Variants in NSF observed in about 807,000 individuals in gnomAD.
NSF encodes the protein vesicle-fusing ATPase.
A neutral mutation model predicts 50.3 loss-of-function variants in NSF; 14 were observed. The ratio of observed to expected loss-of-function variants is 0.28; its 90% CI spans 0.18 to 0.44. The LOEUF (loss-of-function observed/expected upper bound fraction) is 0.44. Ranked by LOEUF, NSF falls within the 20% of genes least tolerant of loss-of-function variation. The pLI is 1.00. For missense variants in NSF, 218 were observed against 504.3 expected, an observed-to-expected ratio of 0.43 and a Z score of 5.44; for synonymous variants, 109 against 175.7, an observed-to-expected ratio of 0.62 and a Z score of 3.00.
At chr17:46,718,533 A>T (rs930868689) in intron 15 of NSF, among the ~76,000 whole-genome samples, 19 of 152,354 alleles carry the variant, frequency 1.2e-4, no homozygotes, top group African/African-American at 4.1e-4. Flanking sequence ...CTAAAAATTT[A>T]AAATTTATAT....
chr17:46,709,564 G>T (rs183950723), intron 13 of NSF, among the ~76,000 whole-genome samples: 1 of 151,352 alleles, frequency 6.6e-6, no homozygotes. Context: ...GCGTGATCTC[G>T]GCTCACTGCA....
chr17:46,667,052 G>GT (rs1312114958), intron 8 of NSF, among the ~76,000 whole-genome samples: 1 of 122,898 alleles, frequency 8.1e-6, no homozygotes, highest in African/African-American at 2.9e-5. Flanking sequence ...TTATTTGGAA[G>GT]TTTTTTGGTA....
At chr17:46,687,521 C>T (rs1329313667) in intron 9 of NSF, among the ~76,000 whole-genome samples, 4 of 144,432 alleles carry the variant, frequency 2.8e-5, no homozygotes, top group African/African-American at 1.0e-4. Flanking sequence ...TCAAATCTAG[C>T]ATTTGCTGTT....
intron 17 of NSF, among the ~76,000 whole-genome samples, chr17:46,743,397 T>A (rs2059096624): frequency 6.6e-6 from 1 of 152,214 alleles, no homozygotes; most frequent in Admixed American, 6.5e-5. Flanking sequence ...CTGACTGTGA[T>A]GACAGAGACC....
chr17:46,599,079 C>T (rs1598633686), intron 1 of NSF, among the ~76,000 whole-genome samples: 1 of 53,112 alleles, frequency 1.9e-5, no homozygotes, highest in Admixed American at 2.4e-4. Flanking sequence ...CTCTTTTTTT[C>T]AAGTAGTTAA....
At chr17:46,735,751 C>A (rs2058996882) in intron 17 of NSF, among the ~76,000 whole-genome samples, 1 of 152,124 alleles carries the variant, frequency 6.6e-6, no homozygotes, top group Non-Finnish European at 1.5e-5. Flanking sequence ...TCAAAACCAG[C>A]ATGGCCAACA....
chr17:46,754,322 A>G (rs912569218), intron 19 of NSF, among the ~76,000 whole-genome samples: 1 of 151,954 alleles, frequency 6.6e-6, no homozygotes, highest in Non-Finnish European at 1.5e-5. Context: ...CTGGGATAGA[A>G]GAAATCTTAA....
At position 46,720,943 on chromosome 17, in the gene NSF, T is replaced by C. The variant is rs2058823797; in HGVS notation, c.1762-5606T>C. Among the ~76,000 whole-genome samples, 3 of 152,292 alleles carry C rather than the reference T, an allele frequency of 2.0e-5. No individual in the cohort carries two copies. In the South Asian group the frequency reaches 6.2e-4, roughly 32 times the overall value. ...GGAACTAATGCTGGTGTGCTCCCATTTGCACTTGTGTAGACTCTGGAGCCC... is the reference window on the plus strand; with the variant it reads ...GGAACTAATGCTGGTGTGCTCCCATCTGCACTTGTGTAGACTCTGGAGCCC... On this transcript the variant is annotated intron_variant, in intron 15 of 20. Coordinates refer to ENST00000398238, the MANE Select transcript of NSF (RefSeq NM_006178.4).
At chr17:46,754,149 CT>C (rs71363599) in intron 19 of NSF, among the ~76,000 whole-genome samples, 256 of 134,000 alleles carry the variant, frequency 1.9e-3, no homozygotes, top group African/African-American at 4.7e-3. Context: ...CCAGCCAGTT[CT>C]TTTTTTTTTT....
chr17:46,753,238 CT>C (rs2059201160), intron 19 of NSF, among the ~76,000 whole-genome samples: 1 of 152,206 alleles, frequency 6.6e-6, no homozygotes, highest in South Asian at 2.1e-4. Flanking sequence ...GTCCTGCATT[CT>C]GCTAGTGTGG....
At chr17:46,703,699 A>AAAAAAAAAAAAAAAG (rs2058630240) in intron 12 of NSF, among the ~76,000 whole-genome samples, 1 of 148,962 alleles carries the variant, frequency 6.7e-6, no homozygotes, top group Non-Finnish European at 1.5e-5. Flanking sequence ...AAAAAAAAAA[A>AAAAAAAAAAAAAAAG]AAAAACAAAA....
At chr17:46,707,571 A>G (rs1317590040) in intron 13 of NSF, among the ~76,000 whole-genome samples, 2 of 152,168 alleles carry the variant, frequency 1.3e-5, no homozygotes, top group African/African-American at 4.8e-5. Flanking sequence ...GGCAGCCACC[A>G]TTCTACTGTC....
At chr17:46,622,407 G>A (rs548182482) in intron 1 of NSF, among the ~76,000 whole-genome samples, 8 of 150,540 alleles carry the variant, frequency 5.3e-5, no homozygotes, top group African/African-American at 7.4e-5. Context: ...GCAGTAAGCC[G>A]ATATCGCACC....
intron 15 of NSF, among the ~76,000 whole-genome samples, chr17:46,718,011 C>T (rs1410501138): frequency 1.3e-5 from 2 of 152,188 alleles, no homozygotes; most frequent in African/African-American, 2.4e-5. Context: ...GTAGCCTGCT[C>T]ATCATCCTGA....
intron 8 of NSF, among the ~76,000 whole-genome samples, chr17:46,661,378 T>TTTATTATTATTATTATTATTATTA (rs892367324): frequency 4.7e-5 from 5 of 106,562 alleles, no homozygotes; most frequent in African/African-American, 2.2e-4. Context: ...TACATTTCTT[T>TTTATTATTATTATTATTATTATTA]TTATTATTAT....
At chr17:46,605,927 A>G (rs1373500959) in intron 1 of NSF, among the ~76,000 whole-genome samples, 4 of 41,208 alleles carry the variant, frequency 9.7e-5, no homozygotes, top group African/African-American at 1.6e-4. Flanking sequence ...AGGTGGGCGG[A>G]TCACCTGAGG....
intron 15 of NSF, among the ~76,000 whole-genome samples, chr17:46,716,609 C>T (rs2058773335): frequency 6.6e-6 from 1 of 152,116 alleles, no homozygotes; most frequent in Admixed American, 6.5e-5. Flanking sequence ...AATTTTTTTT[C>T]AGAGCACAAA....
chr17:46,684,450 G>T (rs1342011479), intron 9 of NSF, among the ~76,000 whole-genome samples: 1 of 152,034 alleles, frequency 6.6e-6, no homozygotes, highest in Non-Finnish European at 1.5e-5. Context: ...CTTTATAGTC[G>T]AATGATTGTA....
In NSF at chr17:46,757,282, C is replaced by G. The variant is rs1436494778; in HGVS notation, c.*1459C>G. The G allele has an allele frequency of 1.3e-5, 2 of 152,488 alleles. No individual in the cohort carries two copies. Among genetic ancestry groups the G allele is most frequent in the African/African-American group, 4.8e-5 (2 of 41,424 alleles). 9.4% of individuals were successfully genotyped at this position (152,488 alleles called of 1,614,324 possible). On this transcript the variant is annotated 3_prime_UTR_variant, in exon 21 of 21. Transcript: ENST00000398238. ...TGTGAGATCCTGTGATTCCTGGTGG[C>G]CAGTATCCTGGATTCCTCTAAGATC... is the stretch of plus-strand genomic sequence containing the variant.
Sources: allele counts gnomAD v4.1 joint callset (sites outside exome capture counted in the v4.1 genomes callset), GRCh38; gene constraint gnomAD v4.1.1; transcripts MANE v1.5; gene names NCBI Gene and HGNC (gene_info 2026-07-23, HGNC 2026-07-21).